Variants in TMEM131 observed in about 807,000 individuals in gnomAD.
TMEM131 encodes the protein transmembrane protein 131, also known as 2610524E03Rik.
A neutral mutation model predicts 211.6 loss-of-function variants in TMEM131; 66 were observed. The observed-to-expected ratio is 0.31, with a 90% CI of 0.26 to 0.38. The LOEUF (loss-of-function observed/expected upper bound fraction) is 0.38. TMEM131 is among the 10% of genes least tolerant of loss of function. The probability of loss-of-function intolerance (pLI) is 1.00; values close to 1 mark genes in which losing one functional copy is unlikely to be tolerated. For synonymous variants in TMEM131, 844 were observed against 841.3 expected, an observed-to-expected ratio of 1.00 and a Z score of -0.06; for missense variants, 2,036 against 2,299.3, an observed-to-expected ratio of 0.89 and a Z score of 2.34.
At chr2:97,758,283 T>C (rs992857172) in intron 40 of TMEM131, among the ~76,000 whole-genome samples, 1 of 152,240 alleles carries the variant, frequency 6.6e-6, no homozygotes, top group African/African-American at 2.4e-5. Flanking sequence ...TTAGTTTCTC[T>C]GAGAACAAAG....
At chr2:97,937,498 C>T (rs1208415644) in intron 1 of TMEM131, among the ~76,000 whole-genome samples, 2 of 152,084 alleles carry the variant, frequency 1.3e-5, no homozygotes, top group Non-Finnish European at 2.9e-5. Context: ...GAATAGGTGA[C>T]ATTAGTCCAA....
rs751624245 is a variant in TMEM131, at chr2:97,760,936, G to T, written c.4890-22C>A. ...GTCACTTGAAAAAGAAGCAAAGAGA[G>T]AACTCATTCCTCATCAGCAGTGCCC... On this transcript the variant is annotated intron_variant, in intron 36 of 40. Transcript: ENST00000186436. 10 of 1,613,444 alleles carry T rather than the reference G, an allele frequency of 6.2e-6. 1 individual carries two copies. Among genetic ancestry groups the T allele is most frequent in the Non-Finnish European group, 8.5e-6 (10 of 1,179,716 alleles).
rs1319015602 is a variant in TMEM131 at position 97,760,933 on chromosome 2, A to C, written c.4890-19T>G. Reference sequence around the variant, plus strand: ...AGGGTCACTTGAAAAAGAAGCAAAGAGAGAACTCATTCCTCATCAGCAGTG... The same window carrying C: ...AGGGTCACTTGAAAAAGAAGCAAAGCGAGAACTCATTCCTCATCAGCAGTG... On this transcript the variant is annotated intron_variant, in intron 36 of 40. Coordinates refer to ENST00000186436, the MANE Select transcript of TMEM131 (RefSeq NM_015348.2). The C allele has an allele frequency of 5.0e-6, 8 of 1,613,538 alleles. No homozygotes were observed. The African/African-American group carries it at 1.1e-4, about 22-fold the overall frequency.
chr2:97,961,544 A>C (rs1213931786), intron 1 of TMEM131, among the ~76,000 whole-genome samples: 1 of 152,224 alleles, frequency 6.6e-6, no homozygotes, highest in African/African-American at 2.4e-5. Flanking sequence ...GTTGTTTTCG[A>C]AATTGACAAG....
intron 1 of TMEM131, among the ~76,000 whole-genome samples, chr2:97,943,083 AAGAAAGAAAGAAAGAAAG>A (rs1559464674): frequency 1.2e-4 from 17 of 140,402 alleles, no homozygotes; most frequent in Middle Eastern, 3.8e-3. Flanking sequence ...GAAAGAAAGA[AAGAAAGAAAGAAAGAAAG>A]AGCTGGGTGT....
intron 5 of TMEM131, among the ~76,000 whole-genome samples, chr2:97,848,400 C>T (rs1254094110): frequency 6.6e-5 from 10 of 152,108 alleles, no homozygotes; most frequent in Non-Finnish European, 1.2e-4. Flanking sequence ...ATGCAGATAC[C>T]AACATCTGTG....
At chr2:97,835,141 G>A (rs937235632) in intron 8 of TMEM131, among the ~76,000 whole-genome samples, 2 of 152,200 alleles carry the variant, frequency 1.3e-5, no homozygotes, top group Admixed American at 6.5e-5. Context: ...GATGAAATAC[G>A]ATATGTAAGG....
At chr2:97,898,096 T>TCTTTTTTGGTTAAGATTGTAG (rs1417919588) in intron 3 of TMEM131, among the ~76,000 whole-genome samples, 1 of 152,110 alleles carries the variant, frequency 6.6e-6, no homozygotes, top group African/African-American at 2.4e-5. Context: ...TCTTAACCAA[T>TCTTTTTTGGTTAAGATTGTAG]CTAGCTACAT....
At chr2:97,878,692 T>C (rs1674796027) in intron 4 of TMEM131, among the ~76,000 whole-genome samples, 1 of 152,046 alleles carries the variant, frequency 6.6e-6, no homozygotes, top group Admixed American at 6.5e-5. Flanking sequence ...CACCAGGGCC[T>C]GTCAGGGGCT....
At chr2:97,946,030 G>GT (rs1170165057) in intron 1 of TMEM131, among the ~76,000 whole-genome samples, 5 of 151,998 alleles carry the variant, frequency 3.3e-5, no homozygotes, top group Non-Finnish European at 7.4e-5. Context: ...ACACTCAGTG[G>GT]TATTACAACC....
chr2:97,905,083 G>A (rs751410368), intron 3 of TMEM131, among the ~76,000 whole-genome samples: 2 of 151,714 alleles, frequency 1.3e-5, no homozygotes, highest in Admixed American at 1.3e-4. Context: ...TTTGTTCTTC[G>A]TAGGATCCGT....
intron 1 of TMEM131, among the ~76,000 whole-genome samples, chr2:97,971,352 T>A (rs992880226): frequency 3.9e-5 from 6 of 152,092 alleles, no homozygotes; most frequent in Admixed American, 1.3e-4. Context: ...AGGCATTAGC[T>A]GTGATAAGTG....
At chr2:97,965,464 A>C (rs1166674457) in intron 1 of TMEM131, among the ~76,000 whole-genome samples, 2 of 152,068 alleles carry the variant, frequency 1.3e-5, no homozygotes, top group African/African-American at 2.4e-5. Context: ...TCTCCGCTGG[A>C]CTCGGGGTAC....
intron 5 of TMEM131, among the ~76,000 whole-genome samples, chr2:97,847,144 G>A (rs1254660652): frequency 2.8e-5 from 4 of 144,958 alleles, no homozygotes; most frequent in Middle Eastern, 3.6e-3. Flanking sequence ...AGCAGAGATT[G>A]CGCCACTGCA....
intron 4 of TMEM131, among the ~76,000 whole-genome samples, chr2:97,886,648 G>A (rs1675170794): frequency 6.6e-6 from 1 of 152,164 alleles, no homozygotes; most frequent in African/African-American, 2.4e-5. Context: ...CTCAGGTCAG[G>A]GATGTGTGCA....
At chr2:97,793,211 A>G in intron 30 of TMEM131, 184 bp downstream of exon 30, 1 of 671,924 alleles carries the variant, frequency 1.5e-6, no homozygotes, top group Non-Finnish European at 2.4e-6. Context: ...TACCAATATA[A>G]TAAAAACACA....
chr2:97,908,062 T>C (rs768571332), intron 3 of TMEM131, among the ~76,000 whole-genome samples: 10 of 152,148 alleles, frequency 6.6e-5, no homozygotes, highest in Non-Finnish European at 1.3e-4. Context: ...TCACCGCATA[T>C]AGAAAGAGAA....
At chr2:97,957,700 C>G (rs961868564) in intron 1 of TMEM131, among the ~76,000 whole-genome samples, 1 of 152,154 alleles carries the variant, frequency 6.6e-6, no homozygotes, top group African/African-American at 2.4e-5. Flanking sequence ...CAAAAGTTTC[C>G]TGTTTTGAAA....
At chr2:97,799,984 A>AT (rs994991139) in intron 25 of TMEM131, among the ~76,000 whole-genome samples, 2 of 152,198 alleles carry the variant, frequency 1.3e-5, no homozygotes, top group African/African-American at 4.8e-5. Context: ...TTGCTAAATG[A>AT]TTTTTTAAAA....
Sources: allele counts gnomAD v4.1 joint callset (sites outside exome capture counted in the v4.1 genomes callset), GRCh38; gene constraint gnomAD v4.1.1; transcripts MANE v1.5; gene names NCBI Gene and HGNC (gene_info 2026-07-23, HGNC 2026-07-21).